The following MGAT4C variants were observed in gnomAD, a reference collection of about 807,000 sequenced individuals.
MGAT4C encodes the protein MGAT4 family member C.
MGAT4C carries 19 observed loss-of-function variants against 40.1 expected under a neutral mutation model. The observed-to-expected ratio is 0.47, with a 90% confidence interval of 0.33 to 0.70. The LOEUF (loss-of-function observed/expected upper bound fraction) is 0.70. Ranked by LOEUF, MGAT4C falls within the 30% of genes least tolerant of loss-of-function variation. MGAT4C has a pLI of 0.02. For synonymous variants in MGAT4C, 181 were observed against 187.1 expected, an observed-to-expected ratio of 0.97 and a Z score of 0.27; for missense variants, 491 against 563.2, an observed-to-expected ratio of 0.87 and a Z score of 1.30.
chr12:86,536,157 AT>A (rs1959064495), intron 2 of MGAT4C, among the ~76,000 whole-genome samples: 1 of 152,066 alleles, frequency 6.6e-6, no homozygotes, highest in Admixed American at 6.6e-5. Flanking sequence ...CTAACCTTTA[AT>A]TTTTTCATTA....
intron 2 of MGAT4C, among the ~76,000 whole-genome samples, chr12:86,031,177 C>G (rs997425563): frequency 1.3e-5 from 2 of 151,582 alleles, no homozygotes; most frequent in African/African-American, 4.8e-5. Flanking sequence ...GAAATACATG[C>G]ATCTTAAGCA....
intron 1 of MGAT4C, among the ~76,000 whole-genome samples, chr12:86,149,828 A>G (rs1884051383): frequency 6.6e-6 from 1 of 152,230 alleles, no homozygotes. Context: ...GGTTCTCAAT[A>G]AAGAGAAAAT....
In MGAT4C at chr12:86,500,934, T is replaced by G. The variant is rs144390661; in HGVS notation, c.-228-65669A>C. 3.6e-4 allele frequency among the ~76,000 whole-genome samples: 55 copies of G among 152,190 alleles called. 1 individual carries two copies. Among genetic ancestry groups the G allele is most frequent in the African/African-American group, 1.3e-3 (54 of 41,554 alleles). On this transcript the variant is annotated intron_variant, in intron 2 of 7. Transcript: ENST00000548651. ...ATCATGTGAAAAGCAGCTTAAGTAA[T>G]TTATCAAATTGAAAAATGAAATAGA...
At chr12:86,753,790 G>A (rs1951260046) in intron 1 of MGAT4C, among the ~76,000 whole-genome samples, 1 of 152,010 alleles carries the variant, frequency 6.6e-6, no homozygotes, top group Admixed American at 6.6e-5. Context: ...TTAAGAAAAT[G>A]CAAATTAAAC....
chr12:86,386,751 A>T (rs889328159), intron 3 of MGAT4C, among the ~76,000 whole-genome samples: 4 of 152,236 alleles, frequency 2.6e-5, no homozygotes, highest in African/African-American at 9.6e-5. Context: ...GATAATAATT[A>T]AAGGATCTCA....
At position 86,402,702 on chromosome 12, in the gene MGAT4C, T is replaced by C. The variant is rs1056967429; in HGVS notation, c.-120+32455A>G. Among the ~76,000 whole-genome samples the C allele has an allele frequency of 3.9e-5, 6 of 152,304 alleles. No individual in the cohort carries two copies. The South Asian group carries it at 6.2e-4, about 16-fold the overall frequency. On this transcript the variant is annotated intron_variant, in intron 3 of 7. Transcript: ENST00000548651. ...ATACTTTTCAACTTATCCTAGACTC[T>C]AACATATAGTAGGCACTGGATTTAT...
intron 2 of MGAT4C, among the ~76,000 whole-genome samples, chr12:86,029,490 T>G (rs1890542940): frequency 6.6e-6 from 1 of 152,006 alleles, no homozygotes; most frequent in African/African-American, 2.4e-5. Context: ...AGTATGAGAA[T>G]GAGAATACAA....
At chr12:86,515,138 C>G (rs1445583856) in intron 2 of MGAT4C, among the ~76,000 whole-genome samples, 1 of 152,134 alleles carries the variant, frequency 6.6e-6, no homozygotes, top group East Asian at 1.9e-4. Context: ...ACAGAATTAT[C>G]TTCATTCTCA....
intron 2 of MGAT4C, among the ~76,000 whole-genome samples, chr12:86,459,734 T>G (rs982149917): frequency 1.7e-5 from 2 of 116,732 alleles, no homozygotes; most frequent in African/African-American, 6.6e-5. Context: ...ACATGAAAGC[T>G]ACAGGGTTCC....
chr12:86,816,276 T>A (rs1412112454), intron 1 of MGAT4C, among the ~76,000 whole-genome samples: 1 of 151,836 alleles, frequency 6.6e-6, no homozygotes, highest in Non-Finnish European at 1.5e-5. Flanking sequence ...CTTTTTATAA[T>A]TGTGTGTCAA....
intron 2 of MGAT4C, among the ~76,000 whole-genome samples, chr12:86,476,224 AG>A (rs1957833500): frequency 6.6e-6 from 1 of 152,118 alleles, no homozygotes; most frequent in African/African-American, 2.4e-5. Flanking sequence ...ATCTATAAGG[AG>A]CTTAAACAAT....
intron 1 of MGAT4C, among the ~76,000 whole-genome samples, chr12:86,098,616 T>C (rs561653574): frequency 1.3e-5 from 2 of 151,778 alleles, no homozygotes; most frequent in South Asian, 4.1e-4. Context: ...ACATATTAAG[T>C]AGTCAGTCCT....
chr12:85,996,332 G>A (rs910531031), intron 2 of MGAT4C, among the ~76,000 whole-genome samples: 8 of 152,226 alleles, frequency 5.3e-5, no homozygotes, highest in South Asian at 2.1e-4. Context: ...TTTTATGTGC[G>A]AAATGCAAAT....
At chr12:86,488,561 G>A (rs535886263) in intron 2 of MGAT4C, among the ~76,000 whole-genome samples, 6 of 152,072 alleles carry the variant, frequency 3.9e-5, no homozygotes, top group African/African-American at 1.4e-4. Flanking sequence ...GATTTATTCT[G>A]TCCTTTATAT....
intron 1 of MGAT4C, among the ~76,000 whole-genome samples, chr12:86,804,435 A>C (rs1388539402): frequency 1.4e-5 from 2 of 147,016 alleles, no homozygotes; most frequent in African/African-American, 5.0e-5. Flanking sequence ...AAAAAAATAA[A>C]ATAAATAAAT....
chr12:86,252,513 T>C (rs1008998420), intron 1 of MGAT4C, among the ~76,000 whole-genome samples: 1 of 151,984 alleles, frequency 6.6e-6, no homozygotes, highest in African/African-American at 2.4e-5. Flanking sequence ...TTTTTATTTC[T>C]TTTAAATCAC....
intron 2 of MGAT4C, among the ~76,000 whole-genome samples, chr12:86,451,539 C>G (rs886393881): frequency 1.3e-5 from 2 of 151,948 alleles, no homozygotes; most frequent in African/African-American, 2.4e-5. Context: ...GCTAGATTTT[C>G]TTTGTACTTG....
chr12:86,720,062 G>A (rs1950712913), intron 2 of MGAT4C, among the ~76,000 whole-genome samples: 1 of 152,072 alleles, frequency 6.6e-6, no homozygotes, highest in Non-Finnish European at 1.5e-5. Flanking sequence ...AAAATATTTT[G>A]CAAATGAGAG....
intron 1 of MGAT4C, among the ~76,000 whole-genome samples, chr12:86,053,961 A>T (rs879434925): frequency 4.6e-5 from 7 of 151,988 alleles, no homozygotes; most frequent in Non-Finnish European, 8.8e-5. Flanking sequence ...GAGGATATGG[A>T]GAAAAAGGAA....
Sources: allele counts gnomAD v4.1 joint callset (sites outside exome capture counted in the v4.1 genomes callset), GRCh38; gene constraint gnomAD v4.1.1; transcripts MANE v1.5; gene names NCBI Gene and HGNC (gene_info 2026-07-23, HGNC 2026-07-21).